Variants in REEP6 observed in about 807,000 individuals in gnomAD.
The protein encoded by REEP6 is receptor accessory protein 6, also known as receptor expression-enhancing protein 6.
Under a neutral mutation model 22.4 loss-of-function variants are expected in REEP6, and 19 were observed. That is an observed-to-expected ratio of 0.85 (90% CI 0.59 to 1.25). The LOEUF (loss-of-function observed/expected upper bound fraction) is 1.25. Among genes scored for constraint, REEP6 ranks in the 50% most tolerant of loss-of-function variants. The pLI, the probability that REEP6 is intolerant of heterozygous loss-of-function variation, is 0.00. For synonymous variants in REEP6, 121 were observed against 113.6 expected (o/e 1.06, Z -0.41); for missense variants, 273 against 251.9 (o/e 1.08, Z -0.57).
chr19:1,494,999 G>T (rs1230948036), intron 1 of REEP6, among the ~76,000 whole-genome samples: 1 of 152,150 alleles, frequency 6.6e-6, no homozygotes. Flanking sequence ...CACTTCACTG[G>T]GCAGCTATTC....
intron 1 of REEP6, among the ~76,000 whole-genome samples, chr19:1,493,641 G>A (rs539820088): frequency 6.7e-6 from 1 of 149,756 alleles, no homozygotes; most frequent in Non-Finnish European, 1.5e-5. Context: ...CACACAATAG[G>A]CGCTTAATAA....
Position 1,495,503 on chromosome 19 carries a change from G to A in REEP6, c.244G>A (p.Asp82Asn), listed in dbSNP as rs2084998620. 4.3e-6 allele frequency: 7 copies of A among 1,614,070 alleles called. No homozygotes were observed. The highest frequency in any genetic ancestry group is 2.2e-5 in the East Asian group (1 of 44,888). The change falls in exon 3 of 5, where the codon GAC (aspartate) becomes AAC (asparagine). Residue 82 changes from aspartate (D) to asparagine (N), a missense_variant. Physicochemically the swap from Asp to Asn is conservative, Grantham distance 23 (BLOSUM62 1). Coordinates refer to ENST00000233596, the MANE Select transcript of REEP6 (RefSeq NM_138393.4). ...KAIESPSKDD[D>N]TVWLTYWVVY... is the part of the protein sequence containing the mutation. The stretch of plus-strand genomic sequence containing the variant: ...TATCGAGAGCCCAAGCAAGGACGAC[G>A]ACACTGTGTGGCTCACCTACTGGGT...
In REEP6 at chr19:1,496,541, G is replaced by A. The variant is rs193235650; in HGVS notation, c.517+88G>A. 72 of 1,458,378 alleles carry A rather than the reference G, an allele frequency of 4.9e-5. No homozygotes were observed. The African/African-American group carries it at 9.5e-4, about 19-fold the overall frequency. The allele number at this position is 1,458,378 out of a possible 1,614,324, so 90.3% of individuals were successfully genotyped here. On this transcript the variant is annotated intron_variant, in intron 4 of 4. Transcript: ENST00000233596. ...CACCTTGCCTCCCTTTCTGACTTTG[G>A]CCGCCCCCTCTCACTGTCCGCCTCT...
In REEP6 at chr19:1,495,362, G is replaced by A. The variant is rs747486549; in HGVS notation, c.184G>A (p.Gly62Arg). ...YGASLLCNLI[G>R]FVYPAYASIK... Reference sequence around the variant, plus strand: ...AGCGTCTCTGCTGTGCAATCTCATCGGATTTGTGTACCCCGCATATGCCTC... The same window carrying A: ...AGCGTCTCTGCTGTGCAATCTCATCAGATTTGTGTACCCCGCATATGCCTC... Residue 62 changes from glycine to arginine, a missense_variant, in exon 2 of 5, where the codon GGA (glycine) becomes AGA (arginine). Gly to Arg is a moderately radical substitution (Grantham distance 125). Coordinates refer to ENST00000233596, the MANE Select transcript of REEP6 (RefSeq NM_138393.4). 7 of 1,613,654 alleles carry A rather than the reference G, an allele frequency of 4.3e-6. No homozygotes were observed. Among genetic ancestry groups the A allele is most frequent in the Admixed American group, 3.3e-5 (2 of 60,002 alleles).
rs933962747 is a variant in REEP6 at position 1,496,285 on chromosome 19, T to G, written c.349T>G (p.Cys117Gly). The change falls in exon 4 of 5, where the codon TGC (cysteine) becomes GGC (glycine). Residue 117 changes from cysteine to glycine, a missense_variant and splice_region_variant. Cys to Gly is a radical substitution (Grantham distance 159). Transcript: ENST00000233596. ...SWFPFYYVGK[C>G]AFLLFCMAPR... is the part of the protein sequence containing the mutation. The stretch of plus-strand genomic sequence containing the variant: ...GTGTAACTCCTGCCCCGCCCTGCAG[T>G]GCGCCTTCCTGTTGTTCTGCATGGC... 1 of 1,603,042 alleles carries G rather than the reference T, an allele frequency of 6.2e-7. No homozygotes were observed. Among genetic ancestry groups the G allele is most frequent in the African/African-American group, 1.3e-5 (1 of 74,780 alleles).
rs1422504803 is a variant in REEP6, at chr19:1,491,447, G to T, written c.115+63G>T. On this transcript the variant is annotated intron_variant, in intron 1 of 4. Transcript: ENST00000233596. The surrounding 1 kb of genome is among the most constrained non-coding windows in gnomAD (Gnocchi z 5.4). ...CACCGAGGCCATGGGCCTGGGGGTC[G>T]CAGACCGGACTCCTTCCCCGGCTAC... 3 of 1,170,090 alleles carry T rather than the reference G, an allele frequency of 2.6e-6. No individual in the cohort carries two copies. The highest frequency in any genetic ancestry group is 3.3e-5 in the African/African-American group (2 of 61,486). 72.5% of individuals were successfully genotyped at this position (1,170,090 alleles called of 1,614,324 possible).
intron 1 of REEP6, among the ~76,000 whole-genome samples, chr19:1,493,378 ACTC>A (rs1400196438): frequency 2.0e-5 from 3 of 151,398 alleles, no homozygotes; most frequent in East Asian, 3.9e-4. Context: ...CAGCTGGGGG[ACTC>A]CTCCTACCCC....
rs760401107 is a variant in REEP6, at chr19:1,497,856, T to C, written c.*645T>C. 1 of 468,894 alleles carries C rather than the reference T, an allele frequency of 2.1e-6. No homozygotes were observed. Among genetic ancestry groups the C allele is most frequent in the South Asian group, 1.6e-5 (1 of 64,502 alleles). 29.0% of individuals were successfully genotyped at this position (468,894 alleles called of 1,614,324 possible). ...CAGCTGGCCACACCACAGGCCCCCGTGCCTGCAGCACTACTGGTGCCTGAA... is the reference window on the plus strand; with the variant it reads ...CAGCTGGCCACACCACAGGCCCCCGCGCCTGCAGCACTACTGGTGCCTGAA... On this transcript the variant is annotated 3_prime_UTR_variant, in exon 5 of 5. Coordinates refer to ENST00000233596, the MANE Select transcript of REEP6 (RefSeq NM_138393.4). The surrounding 1 kb of genome is among the most constrained non-coding windows in gnomAD (Gnocchi z 6.5).
intron 3 of REEP6, 139 bp downstream of exon 3, chr19:1,495,746 C>T (rs59734204): frequency 4.0e-5 from 50 of 1,235,374 alleles, no homozygotes; most frequent in Non-Finnish European, 5.4e-5. Flanking sequence ...CCTGGGGAAA[C>T]GAGCCCTGTC....
rs191956057 is a variant in REEP6 at position 1,495,624 on chromosome 19, C to T, written c.348+17C>T. 6.5e-4 allele frequency: 1,056 copies of T among 1,613,850 alleles called. 11 individuals are homozygous for T. The highest frequency in any genetic ancestry group is 5.8e-3 in the South Asian group (530 of 91,080). On this transcript the variant is annotated intron_variant, in intron 3 of 4. Transcript: ENST00000233596. ...GTGGGCAAGGTGGGCCCTGCCAGGG[C>T]GGGCACAGCCGTGGAGCGCATGGGG...
In REEP6 at chr19:1,497,752, C is replaced by T. The variant is rs2145481040; in HGVS notation, c.*541C>T. On this transcript the variant is annotated 3_prime_UTR_variant, in exon 5 of 5. Coordinates refer to ENST00000233596, the MANE Select transcript of REEP6 (RefSeq NM_138393.4). This position sits in a 1 kb window ranked among gnomAD's most constrained non-coding sequence, Gnocchi z 6.5. The stretch of plus-strand genomic sequence containing the variant: ...TCGTCGAAACAGCCTGCCAGCAGCG[C>T]CTCAGTGCCCGAGCTGGTCCCCTGC... 1 of 471,012 alleles carries T rather than the reference C, an allele frequency of 2.1e-6. No individual in the cohort carries two copies. The highest frequency in any genetic ancestry group is 6.9e-5 in the East Asian group (1 of 14,404). The allele number at this position is 471,012 out of a possible 1,614,324, so 29.2% of individuals were successfully genotyped here.
chr19:1,496,731 C>CAT, intron 4 of REEP6: 1 of 561,504 alleles, frequency 1.8e-6, no homozygotes, highest in Non-Finnish European at 3.3e-6. Context: ...CGCGCGCGCG[C>CAT]GTGTGTTTGA....
At position 1,495,545 on chromosome 19, in the gene REEP6, G is replaced by C; in HGVS notation, c.286G>C (p.Gly96Arg). 1 of 1,614,106 alleles carries C rather than the reference G, an allele frequency of 6.2e-7. No homozygotes were observed. The highest frequency in any genetic ancestry group is 8.5e-7 in the Non-Finnish European group (1 of 1,180,020). Residue 96 changes from glycine (G) to arginine (R), a missense_variant, in exon 3 of 5, where the codon GGG (glycine) becomes CGG (arginine). Transcript: ENST00000233596. Reference sequence around the variant, plus strand: ...CTACTGGGTGGTGTACGCCCTGTTTGGGCTGGCCGAGTTCTTCAGCGATCT... The same window carrying C: ...CTACTGGGTGGTGTACGCCCTGTTTCGGCTGGCCGAGTTCTTCAGCGATCT... ...LTYWVVYALF[G>R]LAEFFSDLLL...
rs1409249864 is a variant in REEP6, at chr19:1,491,264, G to A, written c.-6G>A. ...TCGAGCAGCCAACCCCGGGCGCGTC[G>A]GGGCCATGGACGGCCTGAGGCAGCG... On this transcript the variant is annotated 5_prime_UTR_variant, in exon 1 of 5. Coordinates refer to ENST00000233596, the MANE Select transcript of REEP6 (RefSeq NM_138393.4). The surrounding 1 kb of genome is among the most constrained non-coding windows in gnomAD (Gnocchi z 5.4). 6.8e-7 allele frequency: 1 copy of A among 1,463,150 alleles called. No individual in the cohort carries two copies. The highest frequency in any genetic ancestry group is 9.0e-7 in the Non-Finnish European group (1 of 1,105,330). The allele number at this position is 1,463,150 out of a possible 1,614,324, so 90.6% of individuals were successfully genotyped here. A position where few individuals can be genotyped will look rare whatever the true frequency, so the allele number is the denominator to read the frequency against.
chr19:1,495,274 C>T lies in REEP6; in HGVS notation c.116-20C>T, dbSNP rs370707626. Reference sequence around the variant, plus strand: ...TCAGCGGGTCCCCAGCCCTGGCACACCACCGCCTCTCTCCGGCAGGAGCCG... The same window carrying T: ...TCAGCGGGTCCCCAGCCCTGGCACATCACCGCCTCTCTCCGGCAGGAGCCG... On this transcript the variant is annotated intron_variant, in intron 1 of 4. Coordinates refer to ENST00000233596, the MANE Select transcript of REEP6 (RefSeq NM_138393.4). The T allele has an allele frequency of 1.6e-4, 254 of 1,609,218 alleles. 2 individuals carry two copies. The South Asian group carries it at 2.0e-3, about 13-fold the overall frequency.
At position 1,491,276 on chromosome 19, in the gene REEP6, G is replaced by C; in HGVS notation, c.7G>C (p.Gly3Arg). Residue 3 changes from glycine to arginine, a missense_variant, in exon 1 of 5, where the codon GGC becomes CGC. Physicochemically the swap from Gly to Arg is moderately radical, Grantham distance 125. Coordinates refer to ENST00000233596, the MANE Select transcript of REEP6 (RefSeq NM_138393.4). The surrounding 1 kb of genome is among the most constrained non-coding windows in gnomAD (Gnocchi z 5.4). Reference protein sequence around the residue: MDGLRQRVEHFLE... With the variant: MDRLRQRVEHFLE... ...CCCCGGGCGCGTCGGGGCCATGGACGGCCTGAGGCAGCGCGTGGAGCACTT... is the reference window on the plus strand; with the variant it reads ...CCCCGGGCGCGTCGGGGCCATGGACCGCCTGAGGCAGCGCGTGGAGCACTT... 6.8e-7 allele frequency: 1 copy of C among 1,464,064 alleles called. No individual in the cohort carries two copies. Among genetic ancestry groups the C allele is most frequent in the South Asian group, 1.3e-5 (1 of 74,676 alleles). 90.7% of individuals were successfully genotyped at this position (1,464,064 alleles called of 1,614,324 possible).
At chr19:1,495,888 G>A (rs1467851340) in intron 3 of REEP6, 2 of 568,526 alleles carry the variant, frequency 3.5e-6, no homozygotes, top group South Asian at 4.2e-5. Flanking sequence ...CACCCTGAAG[G>A]GTGTCTGATG....
At chr19:1,493,452 C>T (rs1177955095) in intron 1 of REEP6, among the ~76,000 whole-genome samples, 2 of 152,138 alleles carry the variant, frequency 1.3e-5, no homozygotes, top group Non-Finnish European at 2.9e-5. Context: ...GGGACTTGGG[C>T]CTCTGCCCTT....
rs756957819 is a variant in REEP6 at position 1,491,295 on chromosome 19, A to G, written c.26A>G (p.Glu9Gly). 4.1e-6 allele frequency: 6 copies of G among 1,472,332 alleles called. No individual in the cohort carries two copies. The South Asian group carries it at 8.0e-5, about 20-fold the overall frequency. 91.2% of individuals were successfully genotyped at this position (1,472,332 alleles called of 1,614,324 possible). A position where few individuals can be genotyped will look rare whatever the true frequency, so the allele number is the denominator to read the frequency against. Residue 9 changes from glutamate (E) to glycine (G), a missense_variant, in exon 1 of 5, where the codon GAG becomes GGG. By Grantham distance (98) the Glu-to-Gly change is moderately conservative. Coordinates refer to ENST00000233596, the MANE Select transcript of REEP6 (RefSeq NM_138393.4). This position sits in a 1 kb window ranked among gnomAD's most constrained non-coding sequence, Gnocchi z 5.4. MDGLRQRVEHFLEQRNLVT... is the reference protein window; with the variant it reads MDGLRQRVGHFLEQRNLVT... ...ATGGACGGCCTGAGGCAGCGCGTGG[A>G]GCACTTCCTGGAGCAAAGGAACCTG...
Sources: gnomAD v4.1 joint callset for allele counts (sites outside exome capture counted in the v4.1 genomes callset) on GRCh38, gnomAD v4.1.1 for gene constraint, Gnocchi (gnomAD v3.1) non-coding constraint, MANE v1.5 for transcripts, NCBI Gene and HGNC (gene_info 2026-07-23, HGNC 2026-07-21) for gene names.